The following BMERB1 variants were observed in gnomAD, a reference collection of about 807,000 sequenced individuals.
BMERB1 encodes the protein bMERB domain-containing protein 1.
In BMERB1, 12 loss-of-function variants were observed where a neutral mutation model predicts 23.6. That is an observed-to-expected ratio of 0.51 (90% CI 0.33 to 0.82). BMERB1 has a LOEUF of 0.82. Among genes scored for constraint, BMERB1 ranks in the 40% least tolerant of loss-of-function variants. The pLI is 0.03. For synonymous variants in BMERB1, 122 were observed against 96.6 expected, an observed-to-expected ratio of 1.26 and a Z score of -1.54; for missense variants, 247 against 255.4, an observed-to-expected ratio of 0.97 and a Z score of 0.22.
chr16:15,498,233 C>T (rs1450148567), intron 1 of BMERB1, among the ~76,000 whole-genome samples: 2 of 151,536 alleles, frequency 1.3e-5, no homozygotes, highest in East Asian at 3.9e-4. Flanking sequence ...CCTGGGAGCA[C>T]AATAAAAAAA....
At chr16:15,556,166 G>A (rs1354110020) in intron 2 of BMERB1, among the ~76,000 whole-genome samples, 2 of 148,890 alleles carry the variant, frequency 1.3e-5, no homozygotes, top group African/African-American at 5.0e-5. Flanking sequence ...CGACAAGAGC[G>A]AAACTCCATC....
intron 2 of BMERB1, among the ~76,000 whole-genome samples, chr16:15,563,995 G>T (rs1297683632): frequency 6.6e-6 from 1 of 152,044 alleles, no homozygotes; most frequent in Non-Finnish European, 1.5e-5. Flanking sequence ...CTGGACAGCT[G>T]GTTGTTAAAA....
Position 15,583,163 on chromosome 16 carries a change from G to A in BMERB1, c.427G>A (p.Glu143Lys). The A allele has an allele frequency of 6.2e-7, 1 of 1,612,504 alleles. No individual in the cohort carries two copies. The highest frequency in any genetic ancestry group is 8.5e-7 in the Non-Finnish European group (1 of 1,178,542). ...ACCCATCTACTTTCACAGGGAGCAAGAAGAAGACAAGGAAATGGCTGATTT... is the reference window on the plus strand; with the variant it reads ...ACCCATCTACTTTCACAGGGAGCAAAAAGAAGACAAGGAAATGGCTGATTT... ...DAEVERLREQ[E>K]EDKEMADFLR... The change falls in exon 5 of 6, where the codon GAA becomes AAA. Residue 143 changes from glutamate (E) to lysine (K), a missense_variant. Physicochemically the swap from Glu to Lys is moderately conservative, Grantham distance 56 (BLOSUM62 1). Coordinates refer to ENST00000300006, the MANE Select transcript of BMERB1 (RefSeq NM_033201.3).
intron 1 of BMERB1, among the ~76,000 whole-genome samples, chr16:15,436,173 T>C (rs972858780): frequency 6.6e-6 from 1 of 151,832 alleles, no homozygotes; most frequent in Non-Finnish European, 1.5e-5. Context: ...GCATTTATCC[T>C]TTTTTTTGTG....
chr16:15,445,755 C>T (rs1425568850), intron 1 of BMERB1, among the ~76,000 whole-genome samples: 1 of 152,096 alleles, frequency 6.6e-6, no homozygotes, highest in Non-Finnish European at 1.5e-5. Flanking sequence ...ATCATAGGAC[C>T]CAGACGGTGC....
chr16:15,468,810 A>T (rs1371587014), intron 1 of BMERB1, among the ~76,000 whole-genome samples: 1 of 152,128 alleles, frequency 6.6e-6, no homozygotes, highest in East Asian at 1.9e-4. Context: ...AAAGTATTAT[A>T]GTTTTACATT....
chr16:15,506,528 C>G (rs1012614016), intron 1 of BMERB1, among the ~76,000 whole-genome samples: 4 of 152,092 alleles, frequency 2.6e-5, no homozygotes, highest in African/African-American at 9.7e-5. Context: ...GTTCCTTTCT[C>G]AAGAAACTGA....
chr16:15,452,128 A>G (rs1366853922), intron 1 of BMERB1, among the ~76,000 whole-genome samples: 2 of 151,706 alleles, frequency 1.3e-5, no homozygotes, highest in Admixed American at 1.3e-4. Flanking sequence ...AAACAGTTCT[A>G]AAAATTATCC....
At chr16:15,566,502 C>T (rs1027832436) in intron 2 of BMERB1, among the ~76,000 whole-genome samples, 2 of 151,970 alleles carry the variant, frequency 1.3e-5, no homozygotes, top group South Asian at 2.1e-4. Flanking sequence ...AAATAGATCA[C>T]TGTATAATCA....
rs115865276 is a variant in BMERB1, at chr16:15,515,357, T to A, written c.159T>A (p.Ile53=). 22 of 1,613,908 alleles carry A rather than the reference T, an allele frequency of 1.4e-5. No individual in the cohort carries two copies. The African/African-American group carries it at 2.1e-4, about 16-fold the overall frequency. Residue 53 remains isoleucine, a synonymous_variant, in exon 2 of 6, where the codon ATT becomes ATA. Transcript: ENST00000300006. ...AGACAACCATGATGCCAGAGGAGAT[T>A]GAGCTGGAGATGGCAAAAATTCAGC... ...MAETTMMPEE[I]ELEMAKIQRL...
chr16:15,441,278 G>A (rs972645411), intron 1 of BMERB1, among the ~76,000 whole-genome samples: 1 of 151,910 alleles, frequency 6.6e-6, no homozygotes, highest in Non-Finnish European at 1.5e-5. Flanking sequence ...GAGTGCTGTG[G>A]TGAGATCTCG....
At chr16:15,580,565 T>G (rs2030981442) in intron 3 of BMERB1, among the ~76,000 whole-genome samples, 1 of 151,016 alleles carries the variant, frequency 6.6e-6, no homozygotes, top group Non-Finnish European at 1.5e-5. Flanking sequence ...TTTTTTTTTT[T>G]GAGACAGAGT....
intron 1 of BMERB1, among the ~76,000 whole-genome samples, chr16:15,456,398 A>G (rs2051087841): frequency 6.7e-6 from 1 of 150,242 alleles, no homozygotes; most frequent in Non-Finnish European, 1.5e-5. Flanking sequence ...GTGCAGTGGT[A>G]TAATCATAGC....
chr16:15,570,253 G>A (rs1024937701), intron 3 of BMERB1, among the ~76,000 whole-genome samples: 12 of 152,154 alleles, frequency 7.9e-5, no homozygotes, highest in African/African-American at 2.7e-4. Context: ...AACAGAGAAC[G>A]GTTCTCCACT....
chr16:15,489,521 C>A (rs573834799), intron 1 of BMERB1, among the ~76,000 whole-genome samples: 3 of 152,228 alleles, frequency 2.0e-5, no homozygotes, highest in African/African-American at 7.2e-5. Flanking sequence ...TAGTTCTGGA[C>A]TTCTGTGCAG....
rs55709812 is a variant in BMERB1, at chr16:15,562,303, CA to C, written c.231-5663del. On this transcript the variant is annotated intron_variant, in intron 2 of 5. Coordinates refer to ENST00000300006, the MANE Select transcript of BMERB1 (RefSeq NM_033201.3). ...AGGCAACGAGAGCAAAACTCTTTTTCAAAAAAAAAAAAAAAAACATAAATAA... is the reference window on the plus strand; with the variant it reads ...AGGCAACGAGAGCAAAACTCTTTTTCAAAAAAAAAAAAAAAACATAAATAA... 9.5e-3 allele frequency among the ~76,000 whole-genome samples: 755 copies of C among 79,386 alleles called. 5 individuals are homozygous for C. Among genetic ancestry groups the C allele is most frequent in the African/African-American group, 0.027 (506 of 18,888 alleles). 52.1% of individuals were successfully genotyped at this position (79,386 alleles called of 152,430 possible).
At chr16:15,465,439 G>C (rs185694978) in intron 1 of BMERB1, among the ~76,000 whole-genome samples, 20 of 149,324 alleles carry the variant, frequency 1.3e-4, no homozygotes, top group Non-Finnish European at 2.4e-4. Context: ...TGCAAACTCT[G>C]CCTCCTGGGT....
At chr16:15,582,677 C>G (rs774740353) in intron 4 of BMERB1, among the ~76,000 whole-genome samples, 1 of 152,104 alleles carries the variant, frequency 6.6e-6, no homozygotes, top group South Asian at 2.1e-4. Context: ...ACGATTGCAC[C>G]ATTGCACTCC....
chr16:15,519,855 G>A (rs979201138), intron 2 of BMERB1, among the ~76,000 whole-genome samples: 7 of 152,008 alleles, frequency 4.6e-5, no homozygotes, highest in Non-Finnish European at 1.0e-4. Flanking sequence ...TTCCTGCCAC[G>A]ACAGTGAGGA....
Sources: gnomAD v4.1 joint callset for allele counts (sites outside exome capture counted in the v4.1 genomes callset) on GRCh38, gnomAD v4.1.1 for gene constraint, MANE v1.5 for transcripts, NCBI Gene and HGNC (gene_info 2026-07-23, HGNC 2026-07-21) for gene names.